Variants in DMD observed in about 807,000 individuals in gnomAD.
DMD encodes the protein dystrophin, also known as mutant dystrophin.
A neutral mutation model predicts 330.1 loss-of-function variants in DMD; 63 were observed. The observed-to-expected ratio is 0.19, with a 90% CI of 0.16 to 0.24. DMD has a LOEUF of 0.24. Ranked by LOEUF, DMD falls within the 10% of genes least tolerant of loss-of-function variation. The probability of loss-of-function intolerance (pLI) is 1.00; values close to 1 mark genes in which losing one functional copy is unlikely to be tolerated. For missense variants in DMD, 3,344 were observed against 2,684.1 expected (o/e 1.25, Z -5.43); for synonymous variants, 1,223 against 959.8 (o/e 1.27, Z -5.07).
chrX:32,342,148 T>A lies in DMD; in HGVS notation c.5874A>T (p.Glu1958Asp), dbSNP rs780022280. The change falls in exon 41 of 79, where the codon GAA (glutamate) becomes GAT (aspartate). Residue 1958 changes from glutamate (E) to aspartate (D), a missense_variant. Glu to Asp is a conservative substitution (Grantham distance 45). Transcript: ENST00000357033. ...GAAACTGAGCAAATTTGCTCTCAAT[T>A]TCCCGCCAGCGCTTGCTGAGCTGGA... is the stretch of plus-strand genomic sequence containing the variant. ...TQIQLSKRWR[E>D]IESKFAQFRR... is the part of the protein sequence containing the mutation. 10 of 1,209,982 alleles carry A rather than the reference T, an allele frequency of 8.3e-6. No homozygotes were observed. The highest frequency in any genetic ancestry group is 1.1e-5 in the Non-Finnish European group (10 of 894,229).
chrX:32,355,186 G>A (rs2097794866), intron 37 of DMD, among the ~76,000 whole-genome samples: 1 of 110,894 alleles, frequency 9.0e-6, no homozygotes, highest in African/African-American at 3.3e-5. Context: ...GTGAAATTGG[G>A]TATGTTTATA....
intron 44 of DMD, among the ~76,000 whole-genome samples, chrX:32,028,864 TTC>T (rs1211613651): frequency 2.7e-5 from 3 of 111,834 alleles, no homozygotes; most frequent in African/African-American, 9.7e-5. Context: ...ACAAAACACT[TTC>T]TTTTTCTTCA....
chrX:32,565,447 A>C (rs998375827), intron 16 of DMD, among the ~76,000 whole-genome samples: 3 of 111,560 alleles, frequency 2.7e-5, no homozygotes, highest in African/African-American at 9.8e-5. Context: ...GCCTGCTCTA[A>C]GTCACTCAGT....
intron 26 of DMD, among the ~76,000 whole-genome samples, chrX:32,448,936 G>A (rs1241657722): frequency 1.8e-5 from 2 of 110,819 alleles, no homozygotes; most frequent in Non-Finnish European, 3.8e-5. Flanking sequence ...AAATACAATT[G>A]TTTGGAAAAG....
intron 52 of DMD, among the ~76,000 whole-genome samples, chrX:31,727,712 T>G (rs1484483431): frequency 8.9e-6 from 1 of 112,076 alleles, no homozygotes; most frequent in African/African-American, 3.2e-5. Context: ...GATTACCTGT[T>G]ATAGTGGCTA....
intron 9 of DMD, among the ~76,000 whole-genome samples, chrX:32,676,868 GAAT>G: frequency 9.0e-6 from 1 of 111,302 alleles, no homozygotes; most frequent in South Asian, 3.7e-4. Flanking sequence ...TCCGTAATTA[GAAT>G]ATTATTTCCT....
chrX:32,050,988 C>CTT (rs1445416221), intron 44 of DMD, among the ~76,000 whole-genome samples: 4 of 66,061 alleles, frequency 6.1e-5, no homozygotes, highest in African/African-American at 2.6e-4. Flanking sequence ...TTTTTTTTTT[C>CTT]CCCCTAATAG....
chrX:32,743,839 G>T (rs1315519411), intron 7 of DMD, among the ~76,000 whole-genome samples: 1 of 111,467 alleles, frequency 9.0e-6, no homozygotes, highest in Non-Finnish European at 1.9e-5. Context: ...TGAGTGATGG[G>T]TGGTTAGTCT....
At chrX:31,893,752 AGGGGAAG>A (rs1464925933) in intron 47 of DMD, among the ~76,000 whole-genome samples, 6 of 110,874 alleles carry the variant, frequency 5.4e-5, no homozygotes, top group Non-Finnish European at 1.1e-4. Flanking sequence ...TGCTGCATGC[AGGGGAAG>A]GGACAGTAAC....
intron 1 of DMD, among the ~76,000 whole-genome samples, chrX:33,277,818 CAA>C (rs2053259563): frequency 9.0e-6 from 1 of 111,446 alleles, no homozygotes; most frequent in Non-Finnish European, 1.9e-5. Flanking sequence ...AAATGTTACA[CAA>C]ATAGAGACCA....
intron 21 of DMD, among the ~76,000 whole-genome samples, chrX:32,474,932 A>C (rs771737032): frequency 9.0e-6 from 1 of 111,483 alleles, no homozygotes; most frequent in South Asian, 3.7e-4. Context: ...TCCTTGCCTA[A>C]GCCAATGTCT....
intron 4 of DMD, among the ~76,000 whole-genome samples, chrX:32,838,804 G>A (rs1263138168): frequency 8.9e-6 from 1 of 112,051 alleles, no homozygotes; most frequent in South Asian, 3.7e-4. Context: ...TGGAGAAATA[G>A]GAATGCTTTT....
At chrX:32,593,995 C>T (rs1156871898) in intron 13 of DMD, among the ~76,000 whole-genome samples, 3 of 112,157 alleles carry the variant, frequency 2.7e-5, no homozygotes, top group African/African-American at 9.7e-5. Flanking sequence ...TATTACACTT[C>T]ATAAGCTATG....
At chrX:32,731,752 A>C (rs182178308) in intron 7 of DMD, among the ~76,000 whole-genome samples, 1 of 111,981 alleles carries the variant, frequency 8.9e-6, no homozygotes, top group African/African-American at 3.2e-5. Context: ...CACACAAAAA[A>C]CCCATCTGGA....
At chrX:32,732,673 G>T (rs2067864693) in intron 7 of DMD, among the ~76,000 whole-genome samples, 1 of 110,874 alleles carries the variant, frequency 9.0e-6, no homozygotes, top group Admixed American at 9.6e-5. Context: ...AGCTTCATAA[G>T]TAAAGGAGAA....
At chrX:32,913,016 GTTTT>G (rs374067129) in intron 2 of DMD, among the ~76,000 whole-genome samples, 8 of 112,139 alleles carry the variant, frequency 7.1e-5, no homozygotes, top group African/African-American at 2.3e-4. Flanking sequence ...TTTTGTTTTT[GTTTT>G]TGTTTTTTAA....
intron 55 of DMD, among the ~76,000 whole-genome samples, chrX:31,537,826 G>A (rs899933961): frequency 1.1e-4 from 12 of 111,820 alleles, no homozygotes; most frequent in African/African-American, 3.2e-4. Context: ...ATGTACACCC[G>A]TAGCACTATC....
intron 1 of DMD, among the ~76,000 whole-genome samples, chrX:33,283,176 T>C (rs770094916): frequency 7.1e-5 from 8 of 112,481 alleles, no homozygotes; most frequent in Non-Finnish European, 1.3e-4. Flanking sequence ...TGTACCATGC[T>C]GCGTGTAGAG....
intron 1 of DMD, among the ~76,000 whole-genome samples, chrX:33,064,561 T>C (rs2094624224): frequency 8.9e-6 from 1 of 112,491 alleles, no homozygotes; most frequent in African/African-American, 3.2e-5. Context: ...AGAATTGCAC[T>C]TAAATGATAT....
Sources: gnomAD v4.1 joint callset for allele counts (sites outside exome capture counted in the v4.1 genomes callset) on GRCh38, gnomAD v4.1.1 for gene constraint, MANE v1.5 for transcripts, NCBI Gene and HGNC (gene_info 2026-07-23, HGNC 2026-07-21) for gene names.